The following SLIT3 variants were observed in gnomAD, a reference collection of about 807,000 sequenced individuals.
The protein encoded by SLIT3 is slit homolog 3 protein.
SLIT3 carries 68 observed loss-of-function variants against 184.0 expected under a neutral mutation model. That is an observed-to-expected ratio of 0.37 (90% CI 0.30 to 0.45). The LOEUF is 0.45. Among genes scored for constraint, SLIT3 ranks in the 20% least tolerant of loss-of-function variants. The pLI is 1.00. For synonymous variants in SLIT3, 831 were observed against 828.6 expected (o/e 1.00, Z -0.05); for missense variants, 1,707 against 2,026.0 (o/e 0.84, Z 3.02).
intron 4 of SLIT3, among the ~76,000 whole-genome samples, chr5:169,159,572 G>A (rs902150311): frequency 2.0e-5 from 3 of 151,364 alleles, no homozygotes; most frequent in Non-Finnish European, 1.5e-5. Context: ...TCAGCACATC[G>A]AGACCACCCT....
intron 35 of SLIT3, among the ~76,000 whole-genome samples, chr5:168,668,292 T>G (rs1006348345): frequency 6.6e-6 from 1 of 152,196 alleles, no homozygotes; most frequent in African/African-American, 2.4e-5. Context: ...TGCGAATCAT[T>G]GCAAAATGCA....
intron 4 of SLIT3, among the ~76,000 whole-genome samples, chr5:169,130,110 G>T (rs1341212934): frequency 6.6e-6 from 1 of 152,090 alleles, no homozygotes; most frequent in Non-Finnish European, 1.5e-5. Context: ...GCCTCCCCAG[G>T]TGTTGGGATT....
Position 169,244,905 on chromosome 5 carries a change from C to T in SLIT3, c.270-129G>A, listed in dbSNP as rs569205191. 2.3e-5 allele frequency: 18 copies of T among 789,400 alleles called. No homozygotes were observed. The African/African-American group carries it at 2.7e-4, about 12-fold the overall frequency. 48.9% of individuals were successfully genotyped at this position (789,400 alleles called of 1,614,324 possible). ...TCGTCAGTGTCCCTTCAACTGGGATCAGTCTGATGGGACAAGATAACTCAT... is the reference window on the plus strand; with the variant it reads ...TCGTCAGTGTCCCTTCAACTGGGATTAGTCTGATGGGACAAGATAACTCAT... On this transcript the variant is annotated intron_variant, in intron 2 of 35. Coordinates refer to ENST00000519560, the MANE Select transcript of SLIT3 (RefSeq NM_003062.4).
intron 4 of SLIT3, among the ~76,000 whole-genome samples, chr5:169,105,255 A>G (rs1468491340): frequency 6.6e-6 from 1 of 152,194 alleles, no homozygotes; most frequent in Non-Finnish European, 1.5e-5. Flanking sequence ...CCCTGGAGAC[A>G]CATCATTTGG....
At chr5:169,072,390 G>T (rs1413982320) in intron 4 of SLIT3, among the ~76,000 whole-genome samples, 2 of 152,194 alleles carry the variant, frequency 1.3e-5, no homozygotes, top group Non-Finnish European at 2.9e-5. Flanking sequence ...ATATCTGCTA[G>T]TCCTTCCCCA....
intron 4 of SLIT3, among the ~76,000 whole-genome samples, chr5:169,121,145 C>T (rs1297588267): frequency 6.6e-6 from 1 of 152,270 alleles, no homozygotes; most frequent in African/African-American, 2.4e-5. Flanking sequence ...AAGGACTCTT[C>T]GATATGGTCA....
intron 10 of SLIT3, among the ~76,000 whole-genome samples, chr5:168,793,707 T>C (rs1756465292): frequency 6.6e-6 from 1 of 151,936 alleles, no homozygotes; most frequent in Non-Finnish European, 1.5e-5. Flanking sequence ...TTAAATCATG[T>C]AGGAGATATA....
chr5:169,055,465 G>C (rs925471656), intron 4 of SLIT3, among the ~76,000 whole-genome samples: 1 of 152,216 alleles, frequency 6.6e-6, no homozygotes, highest in Non-Finnish European at 1.5e-5. Flanking sequence ...CCGGAGGCAG[G>C]GACATCTTGA....
intron 1 of SLIT3, among the ~76,000 whole-genome samples, chr5:169,294,446 C>T (rs201173627): frequency 6.8e-6 from 1 of 147,478 alleles, no homozygotes; most frequent in African/African-American, 2.5e-5. Context: ...GCTGTGGGGG[C>T]AGGACCAAGA....
At position 169,194,499 on chromosome 5, in the gene SLIT3, AT is replaced by A. The variant is rs932486731; in HGVS notation, c.342-950del. Among the ~76,000 whole-genome samples the A allele has an allele frequency of 4.6e-5, 7 of 151,618 alleles. No homozygotes were observed. In the South Asian group the frequency reaches 8.3e-4, roughly 18 times the overall value. On this transcript the variant is annotated intron_variant, in intron 3 of 35. Coordinates refer to ENST00000519560, the MANE Select transcript of SLIT3 (RefSeq NM_003062.4). ...CTTTGTGGGCTGCTTTCTACATCAA[AT>A]TTTTTTTTAATATTACATTTTATAA...
At chr5:169,094,003 C>G (rs1056649888) in intron 4 of SLIT3, among the ~76,000 whole-genome samples, 1 of 152,158 alleles carries the variant, frequency 6.6e-6, no homozygotes, top group Non-Finnish European at 1.5e-5. Context: ...CATTTCCTAT[C>G]TGTGAACTCA....
At chr5:169,111,170 T>C (rs1360293388) in intron 4 of SLIT3, among the ~76,000 whole-genome samples, 1 of 152,128 alleles carries the variant, frequency 6.6e-6, no homozygotes, top group Non-Finnish European at 1.5e-5. Context: ...GCATCCTTTC[T>C]CAGGGAGCCT....
intron 4 of SLIT3, among the ~76,000 whole-genome samples, chr5:168,954,900 G>T (rs1372232661): frequency 6.6e-6 from 1 of 152,218 alleles, no homozygotes; most frequent in Non-Finnish European, 1.5e-5. Flanking sequence ...AGTTTTAATG[G>T]TGAAAACTTT....
chr5:169,065,857 A>G (rs1232827471), intron 4 of SLIT3, among the ~76,000 whole-genome samples: 1 of 152,228 alleles, frequency 6.6e-6, no homozygotes, highest in Non-Finnish European at 1.5e-5. Context: ...CTTTAAAGTA[A>G]CACGTTTGAG....
At chr5:169,230,703 C>A (rs1217787036) in intron 3 of SLIT3, among the ~76,000 whole-genome samples, 1 of 152,182 alleles carries the variant, frequency 6.6e-6, no homozygotes, top group Non-Finnish European at 1.5e-5. Flanking sequence ...AATGCAATAT[C>A]TCAATCTCCT....
intron 3 of SLIT3, among the ~76,000 whole-genome samples, chr5:169,209,910 C>T (rs111753966): frequency 1.3e-5 from 2 of 151,848 alleles, no homozygotes; most frequent in African/African-American, 4.8e-5. Flanking sequence ...CAAACCTGCA[C>T]GTTCTGCACA....
At chr5:168,985,840 C>CG (rs1561590191) in intron 4 of SLIT3, among the ~76,000 whole-genome samples, 1 of 144,878 alleles carries the variant, frequency 6.9e-6, no homozygotes, top group African/African-American at 2.5e-5. Flanking sequence ...GGGATGATGG[C>CG]GGGGGGTAGG....
At chr5:169,191,920 C>T (rs1003656493) in intron 4 of SLIT3, among the ~76,000 whole-genome samples, 3 of 152,202 alleles carry the variant, frequency 2.0e-5, no homozygotes, top group African/African-American at 7.2e-5. Context: ...CTCCCAGGTA[C>T]CTTCCCTTTG....
At chr5:168,704,654 A>G (rs1762325047) in intron 26 of SLIT3, among the ~76,000 whole-genome samples, 1 of 152,212 alleles carries the variant, frequency 6.6e-6, no homozygotes, top group Admixed American at 6.5e-5. Flanking sequence ...ATGTGTTTAA[A>G]CTGCTTCACA....
Sources: allele counts gnomAD v4.1 joint callset (sites outside exome capture counted in the v4.1 genomes callset), GRCh38; gene constraint gnomAD v4.1.1; transcripts MANE v1.5; gene names NCBI Gene and HGNC (gene_info 2026-07-23, HGNC 2026-07-21).